WDR20: variants seen among roughly 807,000 people sequenced by gnomAD.
The protein encoded by WDR20 is WD repeat-containing protein 20.
WDR20 carries 3 observed loss-of-function variants against 38.7 expected under a neutral mutation model. That is an observed-to-expected ratio of 0.08 (90% CI 0.04 to 0.20). The LOEUF (loss-of-function observed/expected upper bound fraction) is 0.20, where lower values mean the gene tolerates loss of function less well. Among genes scored for constraint, WDR20 ranks in the 10% least tolerant of loss-of-function variants. WDR20 has a pLI of 1.00. For synonymous variants in WDR20, 298 were observed against 285.6 expected (o/e 1.04, Z -0.44); for missense variants, 559 against 727.7 (o/e 0.77, Z 2.67).
In WDR20 at chr14:102,210,338, A is replaced by G. The variant is rs2062300830; in HGVS notation, c.*458A>G. On this transcript the variant is annotated 3_prime_UTR_variant, in exon 3 of 3. Coordinates refer to ENST00000342702, the MANE Select transcript of WDR20 (RefSeq NM_144574.4). ...ATTGTCATTTATAGTCCAATTTTTT[A>G]TCTTAATCATAAAATGTTTAGGAAT... 1 of 986,280 alleles carries G rather than the reference A, an allele frequency of 1.0e-6. No homozygotes were observed. Among genetic ancestry groups the G allele is most frequent in the Non-Finnish European group, 1.2e-6 (1 of 830,264 alleles). 61.1% of individuals were successfully genotyped at this position (986,280 alleles called of 1,614,324 possible). A position where few individuals can be genotyped will look rare whatever the true frequency, so the allele number is the denominator to read the frequency against.
At chr14:102,199,959 A>G (rs764262553) in intron 2 of WDR20, among the ~76,000 whole-genome samples, 3 of 152,234 alleles carry the variant, frequency 2.0e-5, no homozygotes, top group Admixed American at 6.5e-5. Context: ...ATTGTTTTCA[A>G]TGAGGGGACA....
At chr14:102,219,685 T>C (rs756529315), downstream of WDR20, among the ~76,000 whole-genome samples, 4 of 152,388 alleles carry the variant, frequency 2.6e-5, no homozygotes, top group East Asian at 1.9e-4. Context: ...GCCAACGTGC[T>C]TCCTGAGTGC....
In WDR20 at chr14:102,191,013, A is replaced by AAG. The variant is rs1319795568; in HGVS notation, c.250-3924_250-3923insGA. Among the ~76,000 whole-genome samples, 664 of 152,098 alleles carry AAG rather than the reference A, an allele frequency of 4.4e-3. 6 individuals carry two copies. The highest frequency in any genetic ancestry group is 0.015 in the African/African-American group (615 of 41,450). ...GAGACTCTATCTCAAAAAAAAAAAA[A>AAG]AAGAAAAAAATTAGGAGACATTTTG... On this transcript the variant is annotated intron_variant, in intron 1 of 2. Coordinates refer to ENST00000342702, the MANE Select transcript of WDR20 (RefSeq NM_144574.4).
intron 1 of WDR20, among the ~76,000 whole-genome samples, chr14:102,183,729 G>C (rs917904634): frequency 2.0e-5 from 3 of 152,190 alleles, no homozygotes; most frequent in Admixed American, 2.0e-4. Context: ...CTTAGGATGG[G>C]AACTCTTCTA....
At chr14:102,152,631 C>CCT (rs1029435120) in intron 1 of WDR20, among the ~76,000 whole-genome samples, 51 of 152,096 alleles carry the variant, frequency 3.4e-4, no homozygotes, top group African/African-American at 1.2e-3. Flanking sequence ...GTCAGGATGG[C>CCT]CTGGATCTCT....
At chr14:102,144,460 C>T (rs932327649) in intron 1 of WDR20, among the ~76,000 whole-genome samples, 8 of 144,864 alleles carry the variant, frequency 5.5e-5, no homozygotes, top group African/African-American at 1.0e-4. Flanking sequence ...CCAGCCTGGG[C>T]GACAGAGCTA....
At chr14:102,148,616 A>C (rs755265480) in intron 1 of WDR20, among the ~76,000 whole-genome samples, 1 of 151,272 alleles carries the variant, frequency 6.6e-6, no homozygotes, top group Non-Finnish European at 1.5e-5. Flanking sequence ...ACTGCTGTCT[A>C]TTGTGGCGGA....
chr14:102,192,254 A>G (rs1458971302), intron 1 of WDR20, among the ~76,000 whole-genome samples: 1 of 149,978 alleles, frequency 6.7e-6, no homozygotes, highest in Non-Finnish European at 1.5e-5. Context: ...ATCTCGGCTC[A>G]CTGCAAGCTC....
chr14:102,146,003 TAAA>T (rs1566784944), intron 1 of WDR20, among the ~76,000 whole-genome samples: 5 of 151,792 alleles, frequency 3.3e-5, no homozygotes, highest in African/African-American at 9.7e-5. Flanking sequence ...TTTTTTTTTT[TAAA>T]TGGAAATGGA....
chr14:102,208,859 C>T lies in WDR20; in HGVS notation c.689C>T (p.Pro230Leu), dbSNP rs769797696. The T allele has an allele frequency of 1.5e-5, 24 of 1,614,110 alleles. No homozygotes were observed. In the Admixed American group the frequency reaches 3.2e-4, roughly 21 times the overall value. ...GCCCTCAACGAGTTTGCTTTCTCCC[C>T]AGATGGCAAGTTCTTAGCGTGCGTG... The part of the protein sequence containing the change: ...EGALNEFAFS[P>L]DGKFLACVSQ... Residue 230 changes from proline (P) to leucine (L), a missense_variant, in exon 3 of 3, where the codon CCA (proline) becomes CTA (leucine). Transcript: ENST00000342702. The surrounding 1 kb of genome is among the most constrained non-coding windows in gnomAD (Gnocchi z 5.6).
chr14:102,224,499 A>G (rs1204172779), downstream of WDR20: 2 of 444,076 alleles, frequency 4.5e-6, no homozygotes, highest in Non-Finnish European at 9.0e-6. Context: ...ATACAACTGG[A>G]TCCTTCGAAA....
intron 2 of WDR20, among the ~76,000 whole-genome samples, chr14:102,197,239 A>G (rs1009565766): frequency 1.4e-4 from 21 of 152,194 alleles, no homozygotes; most frequent in African/African-American, 5.1e-4. Context: ...CCAGAAACTC[A>G]TTGGTTACAG....
intron 1 of WDR20, among the ~76,000 whole-genome samples, chr14:102,190,857 C>T (rs748612250): frequency 6.6e-6 from 1 of 151,936 alleles, no homozygotes; most frequent in Non-Finnish European, 1.5e-5. Flanking sequence ...AAAAATTAGC[C>T]GGGCATGTTG....
Position 102,193,593 on chromosome 14 carries a change from C to T in WDR20, c.250-1345C>T. 4 of 1,395,406 alleles carry T rather than the reference C, an allele frequency of 2.9e-6. No homozygotes were observed. In the Admixed American group the frequency reaches 6.2e-5, roughly 22 times the overall value. 86.4% of individuals were successfully genotyped at this position (1,395,406 alleles called of 1,614,324 possible). Reference sequence around the variant, plus strand: ...GCTCCCAGAACTACTTGTTACCGCTCAGGTCCAGACTTCTACATGTGCAAG... The same window carrying T: ...GCTCCCAGAACTACTTGTTACCGCTTAGGTCCAGACTTCTACATGTGCAAG... On this transcript the variant is annotated intron_variant, in intron 1 of 2. Transcript: ENST00000342702.
At chr14:102,180,594 T>C (rs938581279) in intron 1 of WDR20, among the ~76,000 whole-genome samples, 23 of 152,214 alleles carry the variant, frequency 1.5e-4, no homozygotes, top group African/African-American at 5.5e-4. Context: ...TACTCAGGCT[T>C]GCTGTGGGCA....
downstream of WDR20, chr14:102,215,127 GCCACCGGAATTGCTC>G (rs1567093281): frequency 2.4e-6 from 1 of 421,092 alleles, no homozygotes; most frequent in East Asian, 1.6e-4. Context: ...AGAACAGCCA[GCCACCGGAATTGCTC>G]CCTCTTACTA....
At chr14:102,214,167 G>C (rs1007220912), downstream of WDR20, 94 of 985,506 alleles carry the variant, frequency 9.5e-5, no homozygotes, top group Admixed American at 1.2e-4. Flanking sequence ...CGGGTGACCT[G>C]GAGACGCCTC....
intron 1 of WDR20, among the ~76,000 whole-genome samples, chr14:102,152,194 G>A (rs1218020139): frequency 1.3e-5 from 2 of 152,048 alleles, no homozygotes; most frequent in African/African-American, 4.8e-5. Flanking sequence ...AGGATTATAG[G>A]TGTGAGCCAC....
chr14:102,158,034 C>T (rs906471637), intron 1 of WDR20, among the ~76,000 whole-genome samples: 1 of 151,982 alleles, frequency 6.6e-6, no homozygotes, highest in Non-Finnish European at 1.5e-5. Flanking sequence ...TGTTTTCAGC[C>T]CCTGCCTCAC....
Sources: allele counts gnomAD v4.1 joint callset (sites outside exome capture counted in the v4.1 genomes callset), GRCh38; gene constraint gnomAD v4.1.1; non-coding constraint Gnocchi (gnomAD v3.1); transcripts MANE v1.5; gene names NCBI Gene and HGNC (gene_info 2026-07-23, HGNC 2026-07-21).